TMPRSS9: variants seen among roughly 807,000 people sequenced by gnomAD.
TMPRSS9 encodes transmembrane protease serine 9.
TMPRSS9 carries 113 observed loss-of-function variants against 111.4 expected under a neutral mutation model. The ratio of observed to expected loss-of-function variants is 1.01; its 90% CI spans 0.87 to 1.19. TMPRSS9 has a LOEUF of 1.19. TMPRSS9 is among the 50% of genes most tolerant of loss of function. TMPRSS9 has a pLI of 0.00. For synonymous variants in TMPRSS9, 805 were observed against 659.1 expected (o/e 1.22, Z -3.39); for missense variants, 1,803 against 1,513.1 (o/e 1.19, Z -3.18).
rs534418439 is a variant in TMPRSS9, at chr19:2,405,611, T to C, written c.842+66T>C. ...ATTTCTCCTGCCTTCCCTCGTGCAC[T>C]GGGGACGTCACTTCTGGTTTCCTTA... is the stretch of plus-strand genomic sequence containing the variant. On this transcript the variant is annotated intron_variant, in intron 7 of 17. Transcript: ENST00000648592. 66 of 1,409,472 alleles carry C rather than the reference T, an allele frequency of 4.7e-5. No individual in the cohort carries two copies. The South Asian group carries it at 1.1e-3, about 23-fold the overall frequency. 87.3% of individuals were successfully genotyped at this position (1,409,472 alleles called of 1,614,324 possible). A position where few individuals can be genotyped will look rare whatever the true frequency, so the allele number is the denominator to read the frequency against.
chr19:2,423,018 T>TTA (rs1490214653), intron 14 of TMPRSS9, among the ~76,000 whole-genome samples: 2 of 151,470 alleles, frequency 1.3e-5, no homozygotes, highest in Non-Finnish European at 2.9e-5. Flanking sequence ...GATCATGCCA[T>TTA]TATACTCCAG....
At chr19:2,419,349 G>A (rs1196378559) in intron 13 of TMPRSS9, among the ~76,000 whole-genome samples, 5 of 142,582 alleles carry the variant, frequency 3.5e-5, no homozygotes, top group African/African-American at 5.2e-5. Context: ...GATTATAGGC[G>A]CCCGCCACCA....
intron 11 of TMPRSS9, chr19:2,416,283 T>G (rs1172860833): frequency 1.3e-5 from 7 of 522,732 alleles, no homozygotes; most frequent in Admixed American, 3.4e-5. Flanking sequence ...GGGGGGGGCA[T>G]TGGCACAGGT....
chr19:2,361,653 G>A (rs984903792), intron 1 of TMPRSS9, among the ~76,000 whole-genome samples: 1 of 152,162 alleles, frequency 6.6e-6, no homozygotes, highest in African/African-American at 2.4e-5. Flanking sequence ...GAATTAGGGC[G>A]GGGTCCCCAG....
At chr19:2,419,322 GCC>G (rs749366935) in intron 13 of TMPRSS9, among the ~76,000 whole-genome samples, 17 of 149,820 alleles carry the variant, frequency 1.1e-4, no homozygotes, top group Admixed American at 3.4e-4. Context: ...TCCTGCCTCA[GCC>G]TCCCGAGTAG....
upstream of TMPRSS9, among the ~76,000 whole-genome samples, chr19:2,385,721 C>T (rs1252196401): frequency 2.7e-4 from 41 of 151,966 alleles, no homozygotes; most frequent in Non-Finnish European, 7.4e-5. Flanking sequence ...GGTGTGGTGG[C>T]ATGCCTGTAG....
chr19:2,370,186 G>T (rs796959084), intron 1 of TMPRSS9, among the ~76,000 whole-genome samples: 4 of 152,228 alleles, frequency 2.6e-5, no homozygotes, highest in African/African-American at 9.6e-5. Context: ...TCTAGCCTGG[G>T]TGACAAGAGA....
At chr19:2,372,414 C>T (rs1292581527) in intron 1 of TMPRSS9, among the ~76,000 whole-genome samples, 2 of 152,172 alleles carry the variant, frequency 1.3e-5, no homozygotes, top group Admixed American at 1.3e-4. Context: ...CTTCCTCCCA[C>T]CTCAAGGTCA....
At chr19:2,416,182 T>G (rs977882969) in intron 11 of TMPRSS9, 1 of 415,050 alleles carries the variant, frequency 2.4e-6, no homozygotes, top group Non-Finnish European at 4.3e-6. Context: ...GAGGCTGCAG[T>G]GAGCCTGATG....
At chr19:2,410,778 C>T (rs958019631) in intron 9 of TMPRSS9, among the ~76,000 whole-genome samples, 1 of 152,132 alleles carries the variant, frequency 6.6e-6, no homozygotes, top group Admixed American at 6.6e-5. Context: ...AAATCCCCCC[C>T]AGCTGCCCTC....
At chr19:2,366,596 G>A (rs1336552019) in intron 1 of TMPRSS9, among the ~76,000 whole-genome samples, 3 of 151,970 alleles carry the variant, frequency 2.0e-5, no homozygotes, top group East Asian at 1.9e-4. Flanking sequence ...GGTGGCTCAC[G>A]CCTGTAATCC....
At chr19:2,423,998 C>T (rs1301231285) in intron 14 of TMPRSS9, 91 bp from the exon 16 acceptor site, 31 of 1,228,466 alleles carry the variant, frequency 2.5e-5, no homozygotes, top group Non-Finnish European at 3.1e-5. Flanking sequence ...CTGGGGCTCC[C>T]AGGGGGATTC....
At chr19:2,416,707 A>T (rs1483351949) in exon 12 of TMPRSS9, 2 of 1,613,122 alleles carry the variant, frequency 1.2e-6, no homozygotes, top group African/African-American at 2.7e-5. Context: ...CCTGGCCTTC[A>T]ACAAATACAT....
At position 2,391,984 on chromosome 19, in the gene TMPRSS9, C is replaced by T. The variant is rs973546646; in HGVS notation, c.142+2057C>T. Among the ~76,000 whole-genome samples the T allele has an allele frequency of 2.6e-5, 4 of 152,110 alleles. No homozygotes were observed. The East Asian group carries it at 7.8e-4, about 30-fold the overall frequency. On this transcript the variant is annotated intron_variant, in intron 1 of 17. Transcript: ENST00000648592. Reference sequence around the variant, plus strand: ...CTCAAACTGCTGACCTCAAGTGATCCACCTGCCTTGGCCTCCGAAAGTGCT... The same window carrying T: ...CTCAAACTGCTGACCTCAAGTGATCTACCTGCCTTGGCCTCCGAAAGTGCT...
chr19:2,393,585 T>A (rs1000122432), intron 1 of TMPRSS9, among the ~76,000 whole-genome samples: 4 of 152,098 alleles, frequency 2.6e-5, no homozygotes, highest in Non-Finnish European at 4.4e-5. Flanking sequence ...GGGGAAACCC[T>A]GTCTCTACAA....
intron 13 of TMPRSS9, among the ~76,000 whole-genome samples, chr19:2,421,133 G>A (rs1362069125): frequency 6.6e-6 from 1 of 151,646 alleles, no homozygotes; most frequent in Non-Finnish European, 1.5e-5. Context: ...TTGAACCCAG[G>A]AGGTGGAGGT....
chr19:2,385,107 C>T (rs946435837), upstream of TMPRSS9, among the ~76,000 whole-genome samples: 31 of 150,308 alleles, frequency 2.1e-4, no homozygotes, highest in Admixed American at 1.7e-3. Context: ...CTTGGCCCAT[C>T]CATTGGTGAG....
intron 1 of TMPRSS9, among the ~76,000 whole-genome samples, chr19:2,393,127 A>G (rs1354352995): frequency 6.6e-6 from 1 of 152,190 alleles, no homozygotes; most frequent in Admixed American, 6.5e-5. Context: ...AGGGAATAAA[A>G]GCGGACTGCT....
At chr19:2,412,603 T>C (rs1971120322) in intron 9 of TMPRSS9, among the ~76,000 whole-genome samples, 1 of 152,160 alleles carries the variant, frequency 6.6e-6, no homozygotes, top group Non-Finnish European at 1.5e-5. Flanking sequence ...ACCCAGGTCC[T>C]CTTGAGAAAG....
Sources: gnomAD v4.1 joint callset for allele counts (sites outside exome capture counted in the v4.1 genomes callset) on GRCh38, gnomAD v4.1.1 for gene constraint, MANE v1.5 for transcripts, NCBI Gene and HGNC (gene_info 2026-07-23, HGNC 2026-07-21) for gene names.